The following RBFOX1 variants were observed in gnomAD, a reference collection of about 807,000 sequenced individuals.
RBFOX1 encodes RNA binding protein fox-1 homolog 1.
In RBFOX1, 8 loss-of-function variants were observed where a neutral mutation model predicts 57.7. That is an observed-to-expected ratio of 0.14 (90% CI 0.08 to 0.25). The LOEUF is 0.25. Among genes scored for constraint, RBFOX1 ranks in the 10% least tolerant of loss-of-function variants. The pLI is 1.00. For missense variants in RBFOX1, 611 were observed against 548.5 expected, an observed-to-expected ratio of 1.11 and a Z score of -1.14; for synonymous variants, 326 against 222.4, an observed-to-expected ratio of 1.47 and a Z score of -4.15.
Position 6,603,204 on chromosome 16 carries a change from G to C in RBFOX1, c.-63-51399G>C, listed in dbSNP as rs183921459. ...ATGCCTTAAGAACAAGATTGACCCA[G>C]CTTACTTGTCTCAGGGCCAAGTATA... is the stretch of plus-strand genomic sequence containing the variant. On this transcript the variant is annotated intron_variant, in intron 2 of 15. Transcript: ENST00000550418. 4.1e-3 allele frequency among the ~76,000 whole-genome samples: 630 copies of C among 152,276 alleles called. 7 individuals carry two copies. Among genetic ancestry groups the C allele is most frequent in the Middle Eastern group, 0.017 (5 of 294 alleles).
chr16:6,660,561 G>A (rs1020360980), intron 3 of RBFOX1, among the ~76,000 whole-genome samples: 1 of 152,092 alleles, frequency 6.6e-6, no homozygotes, highest in South Asian at 2.1e-4. Flanking sequence ...AAATGTCTGG[G>A]TTTCAATCCC....
At chr16:5,394,251 T>C (rs1288125947) in intron 1 of RBFOX1, among the ~76,000 whole-genome samples, 2 of 152,242 alleles carry the variant, frequency 1.3e-5, no homozygotes, top group East Asian at 3.9e-4. Context: ...CTCAAACTCC[T>C]GAACTCGTGA....
intron 2 of RBFOX1, among the ~76,000 whole-genome samples, chr16:6,561,434 T>C (rs2097178011): frequency 6.6e-6 from 1 of 152,214 alleles, no homozygotes; most frequent in African/African-American, 2.4e-5. Flanking sequence ...CAAATATGTA[T>C]TTACCCAATA....
intron 4 of RBFOX1, among the ~76,000 whole-genome samples, chr16:7,087,642 C>A (rs564982721): frequency 6.6e-6 from 1 of 152,046 alleles, no homozygotes; most frequent in African/African-American, 2.4e-5. Context: ...ACATCACATA[C>A]AGTGCCACTG....
At chr16:6,367,177 C>T (rs2152883752) in intron 2 of RBFOX1, among the ~76,000 whole-genome samples, 1 of 152,354 alleles carries the variant, frequency 6.6e-6, no homozygotes, top group East Asian at 1.9e-4. Flanking sequence ...ACGTGGAACA[C>T]ATACACAGGT....
chr16:5,273,921 C>T (rs2063078719), intron 1 of RBFOX1, among the ~76,000 whole-genome samples: 2 of 152,164 alleles, frequency 1.3e-5, no homozygotes, highest in African/African-American at 2.4e-5. Context: ...AATTCCCCAC[C>T]TGCCAGGTAT....
intron 2 of RBFOX1, among the ~76,000 whole-genome samples, chr16:5,583,490 CT>C (rs545290878): frequency 2.0e-5 from 3 of 152,056 alleles, no homozygotes; most frequent in East Asian, 1.9e-4. Context: ...CGTCACTTTA[CT>C]TTTTTTTGTC....
chr16:7,197,222 G>C (rs1275315819), intron 4 of RBFOX1, among the ~76,000 whole-genome samples: 1 of 152,058 alleles, frequency 6.6e-6, no homozygotes, highest in Non-Finnish European at 1.5e-5. Flanking sequence ...CTTCATAGCC[G>C]TTGTCTTTAG....
chr16:5,867,247 A>C, intron 3 of RBFOX1: 1 of 1,125,694 alleles, frequency 8.9e-7, no homozygotes, highest in South Asian at 4.5e-5. Context: ...AAGACAATTA[A>C]TCCAATTACC....
intron 4 of RBFOX1, among the ~76,000 whole-genome samples, chr16:5,905,155 C>A (rs915223776): frequency 6.7e-6 from 1 of 148,704 alleles, no homozygotes; most frequent in South Asian, 2.2e-4. Flanking sequence ...GCAACCTCCA[C>A]CTCCTAGATT....
chr16:7,598,058 A>C (rs564914330), intron 9 of RBFOX1, among the ~76,000 whole-genome samples: 1 of 152,314 alleles, frequency 6.6e-6, no homozygotes, highest in Non-Finnish European at 1.5e-5. Context: ...TCCTCCTAAA[A>C]AGCATTCACA....
intron 4 of RBFOX1, among the ~76,000 whole-genome samples, chr16:5,897,237 T>C: frequency 6.6e-6 from 1 of 151,520 alleles, no homozygotes; most frequent in Non-Finnish European, 1.5e-5. Flanking sequence ...GGGTTTCACC[T>C]TGTTAGCCAG....
At chr16:6,626,394 A>G (rs75000813) in intron 2 of RBFOX1, among the ~76,000 whole-genome samples, 1 of 152,124 alleles carries the variant, frequency 6.6e-6, no homozygotes, top group Non-Finnish European at 1.5e-5. Context: ...GGGCTGATTC[A>G]TCATTCTTCC....
chr16:6,961,893 A>G (rs140527308), intron 3 of RBFOX1, among the ~76,000 whole-genome samples: 1 of 152,156 alleles, frequency 6.6e-6, no homozygotes, highest in Non-Finnish European at 1.5e-5. Flanking sequence ...TGGCTTCTTC[A>G]CCACATCCTG....
Position 7,084,623 on chromosome 16 carries a change from A to G in RBFOX1, c.27+32525A>G, listed in dbSNP as rs138200817. 7.6e-3 allele frequency among the ~76,000 whole-genome samples: 1,164 copies of G among 152,278 alleles called. 3 individuals carry two copies. The highest frequency in any genetic ancestry group is 0.013 in the Non-Finnish European group (877 of 68,024). On this transcript the variant is annotated intron_variant, in intron 4 of 15. Transcript: ENST00000550418. The stretch of plus-strand genomic sequence containing the variant: ...GGTATAAAGGATTTCAGAGGTGGTG[A>G]TACATTTCTTCAAATTGAGCTTCAA...
intron 3 of RBFOX1, among the ~76,000 whole-genome samples, chr16:6,930,077 A>C (rs1016609941): frequency 1.2e-4 from 18 of 152,306 alleles, no homozygotes; most frequent in Non-Finnish European, 2.4e-4. Context: ...CCTGCTGGTT[A>C]TGCTGGTTTA....
intron 4 of RBFOX1, among the ~76,000 whole-genome samples, chr16:7,381,747 T>G (rs557375563): frequency 6.6e-6 from 1 of 152,326 alleles, no homozygotes; most frequent in African/African-American, 2.4e-5. Flanking sequence ...ATGGTTGGCG[T>G]AGGCATTTGG....
chr16:5,358,271 A>G (rs2065448785), intron 1 of RBFOX1, among the ~76,000 whole-genome samples: 1 of 146,162 alleles, frequency 6.8e-6, no homozygotes, highest in African/African-American at 2.8e-5. Context: ...TTATAAGGAC[A>G]TAGTTTTATG....
chr16:6,229,405 T>G (rs941063446), intron 1 of RBFOX1, among the ~76,000 whole-genome samples: 2 of 152,114 alleles, frequency 1.3e-5, no homozygotes, highest in African/African-American at 4.8e-5. Context: ...GTTTTCCCCC[T>G]ATCTTTTGTC....
Sources: gnomAD v4.1 joint callset for allele counts (sites outside exome capture counted in the v4.1 genomes callset) on GRCh38, gnomAD v4.1.1 for gene constraint, MANE v1.5 for transcripts, NCBI Gene and HGNC (gene_info 2026-07-23, HGNC 2026-07-21) for gene names.